The following KALRN variants were observed in gnomAD, a reference collection of about 807,000 sequenced individuals.
KALRN encodes kalirin RhoGEF kinase, also known as kalirin.
In KALRN, 70 loss-of-function variants were observed where a neutral mutation model predicts 353.7. The ratio of observed to expected loss-of-function variants is 0.20; its 90% CI spans 0.16 to 0.24. The LOEUF (loss-of-function observed/expected upper bound fraction) is 0.24. Among genes scored for constraint, KALRN ranks in the 10% least tolerant of loss-of-function variants. The probability of loss-of-function intolerance (pLI) is 1.00; values close to 1 mark genes in which losing one functional copy is unlikely to be tolerated. For missense variants in KALRN, 2,791 were observed against 3,756.7 expected, an observed-to-expected ratio of 0.74 and a Z score of 6.72; for synonymous variants, 1,391 against 1,434.8, an observed-to-expected ratio of 0.97 and a Z score of 0.69.
Position 124,318,146 on chromosome 3 carries a change from C to A in KALRN, c.1093-7834C>A, listed in dbSNP as rs772829890. On this transcript the variant is annotated intron_variant, in intron 6 of 59. Transcript: ENST00000682506. ...GGAGGAAACATTGCTATGGGCAAGC[C>A]AGGCCAGAGGGACAGGACTCGTGAG... is the stretch of plus-strand genomic sequence containing the variant. Among the ~76,000 whole-genome samples the A allele has an allele frequency of 4.2e-4, 64 of 152,186 alleles. 1 individual carries two copies. The highest frequency in any genetic ancestry group is 1.5e-4 in the Non-Finnish European group (10 of 68,036).
intron 1 of KALRN, among the ~76,000 whole-genome samples, chr3:124,220,220 G>A (rs887927043): frequency 6.6e-6 from 1 of 152,164 alleles, no homozygotes; most frequent in Non-Finnish European, 1.5e-5. Flanking sequence ...TGGTATTACA[G>A]GTGTGAGCTA....
intron 1 of KALRN, chr3:124,163,423 C>T (rs746946234): frequency 9.5e-5 from 16 of 168,426 alleles, no homozygotes; most frequent in Non-Finnish European, 1.2e-4. Flanking sequence ...TATGTGAAGT[C>T]TTACAGAGAC....
intron 5 of KALRN, 66 bp from the exon 6 acceptor site, chr3:124,298,725 C>G (rs2077039668): frequency 6.3e-7 from 1 of 1,588,744 alleles, no homozygotes; most frequent in African/African-American, 1.3e-5. Flanking sequence ...TCCACTAGCT[C>G]TGAAAGTTTT....
At chr3:124,532,990 CAT>C (rs1402682635) in intron 33 of KALRN, among the ~76,000 whole-genome samples, 1 of 145,110 alleles carries the variant, frequency 6.9e-6, no homozygotes, top group African/African-American at 2.5e-5. Flanking sequence ...TGGAAAAAAA[CAT>C]ATTTATATAT....
intron 1 of KALRN, among the ~76,000 whole-genome samples, chr3:124,112,026 G>A (rs936920657): frequency 3.9e-5 from 6 of 152,058 alleles, no homozygotes; most frequent in East Asian, 3.9e-4. Flanking sequence ...AATCCTGGCC[G>A]GGCACGGTGG....
intron 33 of KALRN, among the ~76,000 whole-genome samples, chr3:124,559,481 C>G (rs549995399): frequency 6.6e-6 from 1 of 152,274 alleles, no homozygotes; most frequent in Non-Finnish European, 1.5e-5. Context: ...GGGGCCAAGA[C>G]TTAGGCATGA....
chr3:124,642,806 G>GTTTTTTTTTTGTTGTTGGTTTTTT (rs1553707031), intron 37 of KALRN, among the ~76,000 whole-genome samples: 22 of 96,808 alleles, frequency 2.3e-4, no homozygotes, highest in Non-Finnish European at 3.6e-4. Context: ...CCCAAGCCTC[G>GTTTTTTTTTTGTTGTTGGTTTTTT]TTTTTTTTTT....
At chr3:124,214,404 C>G (rs542883858) in intron 1 of KALRN, among the ~76,000 whole-genome samples, 1 of 152,278 alleles carries the variant, frequency 6.6e-6, no homozygotes, top group Admixed American at 6.5e-5. Flanking sequence ...TCATAAATCT[C>G]TTTACTCCCT....
intron 34 of KALRN, among the ~76,000 whole-genome samples, chr3:124,596,544 G>A (rs956325552): frequency 1.3e-5 from 2 of 152,164 alleles, no homozygotes; most frequent in Non-Finnish European, 2.9e-5. Context: ...AAATTGAGAT[G>A]CTTTACATTA....
intron 13 of KALRN, among the ~76,000 whole-genome samples, chr3:124,408,070 G>T (rs1489406543): frequency 6.6e-6 from 1 of 152,174 alleles, no homozygotes; most frequent in Non-Finnish European, 1.5e-5. Context: ...ACTGTGCCTG[G>T]CCAAAACTTT....
Position 124,632,416 on chromosome 3 carries a change from T to A in KALRN, c.5183-4T>A, listed in dbSNP as rs2080886022. 1 of 1,613,596 alleles carries A rather than the reference T, an allele frequency of 6.2e-7. No homozygotes were observed. Among genetic ancestry groups the A allele is most frequent in the African/African-American group, 1.3e-5 (1 of 74,996 alleles). ...ACATGGCTGTGTCTGTCCGTTTTCC[T>A]CAGATGCATACTCTCATTCCTCAAG... On this transcript the variant is annotated splice_polypyrimidine_tract_variant and splice_region_variant and intron_variant, in intron 34 of 59. Coordinates refer to ENST00000682506, the MANE Select transcript of KALRN (RefSeq NM_001388419.1).
intron 14 of KALRN, among the ~76,000 whole-genome samples, chr3:124,418,717 T>C (rs1182929211): frequency 6.6e-6 from 1 of 152,224 alleles, no homozygotes; most frequent in Non-Finnish European, 1.5e-5. Flanking sequence ...CTTATTATTG[T>C]TAGCTGTGGC....
At chr3:124,286,825 T>C (rs977825935) in intron 5 of KALRN, among the ~76,000 whole-genome samples, 2 of 152,248 alleles carry the variant, frequency 1.3e-5, no homozygotes, top group Non-Finnish European at 2.9e-5. Flanking sequence ...TCATCTTCTA[T>C]AGACAATTTT....
intron 14 of KALRN, 96 bp downstream of exon 14, chr3:124,413,761 T>C: frequency 1.0e-6 from 1 of 964,560 alleles, no homozygotes; most frequent in Non-Finnish European, 1.5e-6. Context: ...TTATTCATTT[T>C]ATTCCTACAG....
At chr3:124,712,844 G>A (rs1331649884) in intron 57 of KALRN, 91 bp from the exon 58 acceptor site, 2 of 810,470 alleles carry the variant, frequency 2.5e-6, no homozygotes, top group Non-Finnish European at 4.0e-6. Flanking sequence ...AGATCTATCT[G>A]ACCACTTCCC....
At chr3:124,313,098 G>A (rs2078441259) in intron 6 of KALRN, among the ~76,000 whole-genome samples, 1 of 152,148 alleles carries the variant, frequency 6.6e-6, no homozygotes, top group South Asian at 2.1e-4. Context: ...CAATTAGAAG[G>A]TGAATGAGAG....
intron 1 of KALRN, among the ~76,000 whole-genome samples, chr3:124,073,693 G>T (rs2060127820): frequency 6.6e-6 from 1 of 152,142 alleles, no homozygotes; most frequent in African/African-American, 2.4e-5. Flanking sequence ...CATTACCACA[G>T]TTAATCCCCA....
At chr3:124,082,340 G>A (rs185832559) in intron 1 of KALRN, 226 of 470,674 alleles carry the variant, frequency 4.8e-4, no homozygotes, top group Non-Finnish European at 4.8e-4. Flanking sequence ...ACTGTAAGTA[G>A]AAATTCTGTT....
At chr3:124,584,541 G>A in intron 34 of KALRN, 2 of 1,086,904 alleles carry the variant, frequency 1.8e-6, no homozygotes, top group Non-Finnish European at 2.4e-6. Flanking sequence ...GCCACAGGCA[G>A]CGTTACATGA....
Sources: allele counts gnomAD v4.1 joint callset (sites outside exome capture counted in the v4.1 genomes callset), GRCh38; gene constraint gnomAD v4.1.1; transcripts MANE v1.5; gene names NCBI Gene and HGNC (gene_info 2026-07-23, HGNC 2026-07-21).